RNF144A: variants seen among roughly 807,000 people sequenced by gnomAD.
RNF144A encodes E3 ubiquitin-protein ligase RNF144A.
RNF144A carries 11 observed loss-of-function variants against 38.7 expected under a neutral mutation model. The ratio of observed to expected loss-of-function variants is 0.28; its 90% confidence interval spans 0.18 to 0.47. The LOEUF is 0.47. Ranked by LOEUF, RNF144A falls within the 20% of genes least tolerant of loss-of-function variation. The pLI, the probability that RNF144A is intolerant of heterozygous loss-of-function variation, is 0.99. For synonymous variants in RNF144A, 149 were observed against 143.9 expected (o/e 1.04, Z -0.25); for missense variants, 316 against 377.2 (o/e 0.84, Z 1.34).
intron 1 of RNF144A, among the ~76,000 whole-genome samples, chr2:6,930,001 G>A (rs756219635): frequency 6.6e-6 from 1 of 152,226 alleles, no homozygotes; most frequent in Non-Finnish European, 1.5e-5. Flanking sequence ...TGAAAGGATG[G>A]CGTAAGGAAA....
At chr2:7,022,074 G>A (rs1671571186) in intron 6 of RNF144A, among the ~76,000 whole-genome samples, 1 of 152,250 alleles carries the variant, frequency 6.6e-6, no homozygotes, top group Admixed American at 6.5e-5. Context: ...GCCTCCCCAT[G>A]CTGGCAGCCA....
intron 2 of RNF144A, among the ~76,000 whole-genome samples, chr2:6,977,867 T>C (rs1051092950): frequency 6.6e-6 from 1 of 152,196 alleles, no homozygotes; most frequent in African/African-American, 2.4e-5. Flanking sequence ...GTATTAAGCC[T>C]ATTGTTTTAA....
At chr2:7,016,104 TAAAAAAAAA>T (rs35418947) in intron 5 of RNF144A, among the ~76,000 whole-genome samples, 1 of 115,142 alleles carries the variant, frequency 8.7e-6, no homozygotes, top group Non-Finnish European at 1.8e-5. Flanking sequence ...ACCCCGTCTC[TAAAAAAAAA>T]AAAAAAAAAG....
Position 7,014,464 on chromosome 2 carries a change from A to G in RNF144A, c.146A>G (p.Gln49Arg), listed in dbSNP as rs1323531910. 7 of 1,612,042 alleles carry G rather than the reference A, an allele frequency of 4.3e-6. No homozygotes were observed. The Middle Eastern group carries it at 6.6e-4, about 152-fold the overall frequency. The change falls in exon 4 of 9, where the codon CAG (glutamine) becomes CGG (arginine). Residue 49 changes from glutamine to arginine, a missense_variant. Coordinates refer to ENST00000320892, the MANE Select transcript of RNF144A (RefSeq NM_014746.6). ...QCIFCTLCLK[Q>R]YVELLIKEGL... Reference sequence around the variant, plus strand: ...CTGTTTTTCTTTCAGTGCCTGAAACAGTATGTTGAGCTCTTGATCAAAGAA... The same window carrying G: ...CTGTTTTTCTTTCAGTGCCTGAAACGGTATGTTGAGCTCTTGATCAAAGAA...
rs542711859 is a variant in RNF144A, at chr2:6,958,755, C to T, written c.-12+17608C>T. 4.6e-5 allele frequency among the ~76,000 whole-genome samples: 7 copies of T among 152,230 alleles called. No homozygotes were observed. The highest frequency in any genetic ancestry group is 2.1e-4 in the South Asian group (1 of 4,818). On this transcript the variant is annotated intron_variant, in intron 2 of 8. Transcript: ENST00000320892. This position sits in a 1 kb window ranked among gnomAD's most constrained non-coding sequence, Gnocchi z 4.5. ...ATCAGACAGTTGCTTCTGTGCATCC[C>T]GCAGGAGGAGGCAGAGGAGGACATG... is the stretch of plus-strand genomic sequence containing the variant.
intron 8 of RNF144A, among the ~76,000 whole-genome samples, chr2:7,032,325 G>A (rs1177679937): frequency 1.3e-5 from 2 of 151,544 alleles, no homozygotes; most frequent in African/African-American, 4.9e-5. Context: ...GCTGGAATCC[G>A]CGCCCCTTGC....
At chr2:7,010,924 A>G (rs774604009) in intron 3 of RNF144A, among the ~76,000 whole-genome samples, 10 of 151,936 alleles carry the variant, frequency 6.6e-5, no homozygotes, top group Non-Finnish European at 1.2e-4. Flanking sequence ...TTTCCCCTAC[A>G]CTGGGCTGTG....
chr2:6,940,607 C>G lies in RNF144A; in HGVS notation c.-211-341C>G, dbSNP rs151100055. 2.3e-3 allele frequency among the ~76,000 whole-genome samples: 348 copies of G among 152,130 alleles called. 2 individuals are homozygous for G. The highest frequency in any genetic ancestry group is 8.1e-3 in the African/African-American group (337 of 41,468). On this transcript the variant is annotated intron_variant, in intron 1 of 8. Transcript: ENST00000320892. ...TTTTTCTCATGATTGCCCTGAGAAG[C>G]AAGCGTTTCTGTGGACTTGCACCTC...
At chr2:6,952,299 A>G (rs1558378520) in intron 2 of RNF144A, among the ~76,000 whole-genome samples, 1 of 151,282 alleles carries the variant, frequency 6.6e-6, no homozygotes, top group Admixed American at 6.6e-5. Flanking sequence ...ATTTGCCCAT[A>G]TTTTGTTTTA....
chr2:6,990,022 A>G (rs1180486815), intron 2 of RNF144A, among the ~76,000 whole-genome samples: 5 of 152,214 alleles, frequency 3.3e-5, no homozygotes, highest in Non-Finnish European at 5.9e-5. Context: ...ATTTGTTACC[A>G]TGAATGAATA....
chr2:6,969,409 G>A (rs1301615728), intron 2 of RNF144A, among the ~76,000 whole-genome samples: 1 of 152,132 alleles, frequency 6.6e-6, no homozygotes. Flanking sequence ...GACGGCCACC[G>A]ACAAGCCAGG....
intron 1 of RNF144A, among the ~76,000 whole-genome samples, chr2:6,928,741 C>T (rs542062846): frequency 9.8e-5 from 15 of 152,366 alleles, no homozygotes; most frequent in South Asian, 4.1e-4. Flanking sequence ...CTTTTCTCCA[C>T]GGCTGGCTCC....
At chr2:7,067,352 A>G (rs539453050) in intron 6 of RNF144A, among the ~76,000 whole-genome samples, 2 of 152,180 alleles carry the variant, frequency 1.3e-5, no homozygotes, top group Non-Finnish European at 2.9e-5. Flanking sequence ...TGATACAGAC[A>G]TCAGAGAGAT....
intron 1 of RNF144A, among the ~76,000 whole-genome samples, chr2:6,918,864 CAGGG>C (rs1033970149): frequency 6.6e-6 from 1 of 151,340 alleles, no homozygotes. Flanking sequence ...GGTAAGGCCC[CAGGG>C]AACTATCCCC....
At chr2:6,963,309 T>C (rs1303205553) in intron 2 of RNF144A, among the ~76,000 whole-genome samples, 1 of 152,218 alleles carries the variant, frequency 6.6e-6, no homozygotes, top group African/African-American at 2.4e-5. Flanking sequence ...TTGGGGGGCA[T>C]GAAAGTTAAT....
rs763694815 is a variant in RNF144A, at chr2:7,030,165, C to T, written c.697C>T (p.Arg233Trp). Reference sequence around the variant, plus strand: ...GATACACTACGATAAGGGACCCTGCCGGAACAAGCTGGGCCACTCCCGGGC... The same window carrying T: ...GATACACTACGATAAGGGACCCTGCTGGAACAAGCTGGGCCACTCCCGGGC... ...LLIHYDKGPC[R>W]NKLGHSRASV... is the part of the protein sequence containing the mutation. Residue 233 changes from arginine to tryptophan, a missense_variant, in exon 8 of 9, where the codon CGG (arginine) becomes TGG (tryptophan). Physicochemically the swap from Arg to Trp is moderately radical, Grantham distance 101 (BLOSUM62 -3). Transcript: ENST00000320892. 3.1e-6 allele frequency: 5 copies of T among 1,613,928 alleles called. No homozygotes were observed. Among genetic ancestry groups the T allele is most frequent in the East Asian group, 4.5e-5 (2 of 44,864 alleles).
chr2:7,070,049 G>T (rs1259989528), downstream of RNF144A, among the ~76,000 whole-genome samples: 1 of 152,204 alleles, frequency 6.6e-6, no homozygotes, highest in African/African-American at 2.4e-5. Flanking sequence ...CCAACTATCA[G>T]GGATGTCCCA....
At chr2:6,995,756 G>A (rs1261133902) in intron 2 of RNF144A, among the ~76,000 whole-genome samples, 3 of 152,096 alleles carry the variant, frequency 2.0e-5, no homozygotes, top group Admixed American at 6.5e-5. Context: ...AGGGTGGGTC[G>A]GCCTCTCCCA....
At position 7,042,940 on chromosome 2, in the gene RNF144A, T is replaced by C. The variant is rs538509354; in HGVS notation, c.*3180T>C. On this transcript the variant is annotated 3_prime_UTR_variant, in exon 9 of 9. Coordinates refer to ENST00000320892, the MANE Select transcript of RNF144A (RefSeq NM_014746.6). Reference sequence around the variant, plus strand: ...TGGAGTACAATGACAGGATCTCGGCTCACTGCAAGCTCTGCCTCCCGGGTT... The same window carrying C: ...TGGAGTACAATGACAGGATCTCGGCCCACTGCAAGCTCTGCCTCCCGGGTT... 1.2e-6 allele frequency: 1 copy of C among 820,906 alleles called. No individual in the cohort carries two copies. Among genetic ancestry groups the C allele is most frequent in the Non-Finnish European group, 1.5e-6 (1 of 680,352 alleles). The allele number at this position is 820,906 out of a possible 1,614,324, so 50.9% of individuals were successfully genotyped here.
Sources: allele counts gnomAD v4.1 joint callset (sites outside exome capture counted in the v4.1 genomes callset), GRCh38; gene constraint gnomAD v4.1.1; non-coding constraint Gnocchi (gnomAD v3.1); transcripts MANE v1.5; gene names NCBI Gene and HGNC (gene_info 2026-07-23, HGNC 2026-07-21).